The following RBSN variants were observed in gnomAD, a reference collection of about 807,000 sequenced individuals.
RBSN encodes the protein rabenosyn-5.
In RBSN, 34 loss-of-function variants were observed where a neutral mutation model predicts 60.5. That is an observed-to-expected ratio of 0.56 (90% CI 0.43 to 0.75). The LOEUF (loss-of-function observed/expected upper bound fraction) is 0.75. Among genes scored for constraint, RBSN ranks in the 30% least tolerant of loss-of-function variants. The probability of loss-of-function intolerance (pLI) is 0.00; values close to 1 mark genes in which losing one functional copy is unlikely to be tolerated. For missense variants in RBSN, 845 were observed against 986.8 expected, an observed-to-expected ratio of 0.86 and a Z score of 1.92; for synonymous variants, 322 against 366.9, an observed-to-expected ratio of 0.88 and a Z score of 1.40.
intron 13 of RBSN, 51 bp downstream of exon 13, chr3:15,075,555 T>G: frequency 6.6e-7 from 1 of 1,507,848 alleles, no homozygotes; most frequent in Non-Finnish European, 9.2e-7. Flanking sequence ...GCAGCCTCTG[T>G]GCTTGAGAGC....
chr3:15,083,158 G>T (rs1416085229), intron 8 of RBSN, among the ~76,000 whole-genome samples: 1 of 152,142 alleles, frequency 6.6e-6, no homozygotes, highest in East Asian at 1.9e-4. Flanking sequence ...TATCCAGCAG[G>T]GCCACCCCAC....
At chr3:15,090,878 T>G (rs2043494364) in intron 4 of RBSN, among the ~76,000 whole-genome samples, 1 of 152,166 alleles carries the variant, frequency 6.6e-6, no homozygotes, top group African/African-American at 2.4e-5. Context: ...AAGTGTTTTC[T>G]TCTTTATCTT....
rs1421079485 is a variant in RBSN, at chr3:15,081,739, C to T, written c.840+628G>A. On this transcript the variant is annotated intron_variant, in intron 9 of 13. Coordinates refer to ENST00000253699, the MANE Select transcript of RBSN (RefSeq NM_022340.4). ...CTTCCCTGCATCTCTTACTGCCTCC[C>T]CACCCAGTCCACCTGGCTAGTCTTC... is the stretch of plus-strand genomic sequence containing the variant. Among the ~76,000 whole-genome samples the T allele has an allele frequency of 2.0e-5, 3 of 152,242 alleles. No homozygotes were observed. In the East Asian group the frequency reaches 5.8e-4, roughly 29 times the overall value.
At chr3:15,086,471 C>T (rs184990145) in intron 5 of RBSN, among the ~76,000 whole-genome samples, 2 of 152,284 alleles carry the variant, frequency 1.3e-5, no homozygotes, top group African/African-American at 4.8e-5. Flanking sequence ...AGTTTCAATT[C>T]TGCCACACAC....
intron 5 of RBSN, among the ~76,000 whole-genome samples, chr3:15,088,305 ATG>A (rs1425522345): frequency 6.6e-6 from 1 of 152,196 alleles, no homozygotes; most frequent in Non-Finnish European, 1.5e-5. Flanking sequence ...ATAAGAATTC[ATG>A]TGTCCAAAAT....
chr3:15,078,806 A>G lies in RBSN; in HGVS notation c.912-645T>C, dbSNP rs1248190822. On this transcript the variant is annotated intron_variant, in intron 10 of 13. Coordinates refer to ENST00000253699, the MANE Select transcript of RBSN (RefSeq NM_022340.4). ...TATATATATATATATATATATATAT[A>G]TATATATATATATATATACATGGTT... 5.4e-4 allele frequency among the ~76,000 whole-genome samples: 61 copies of G among 113,960 alleles called. 4 individuals are homozygous for G. Among genetic ancestry groups the G allele is most frequent in the African/African-American group, 2.2e-3 (60 of 26,796 alleles). 74.8% of individuals were successfully genotyped at this position (113,960 alleles called of 152,430 possible). A position where few individuals can be genotyped will look rare whatever the true frequency, so the allele number is the denominator to read the frequency against.
chr3:15,090,950 G>A (rs984294199), intron 4 of RBSN, among the ~76,000 whole-genome samples: 5 of 151,740 alleles, frequency 3.3e-5, no homozygotes, highest in African/African-American at 7.3e-5. Context: ...TGGGCCAGGC[G>A]CAGTGGCTCA....
At position 15,082,370 on chromosome 3, in the gene RBSN, G is replaced by A. The variant is rs372130779; in HGVS notation, c.837C>T (p.Tyr279=). Reference sequence around the variant, plus strand: ...AAGACCAGACAGCGCGAATCACCTCGTAGAGCTTCACGATGTCAGGTGTGT... The same window carrying A: ...AAGACCAGACAGCGCGAATCACCTCATAGAGCTTCACGATGTCAGGTGTGT... The part of the protein sequence containing the change: ...KEHTPDIVKL[Y]EKLRLCMEKV... The change falls in exon 9 of 14, where the codon TAC becomes TAT. Residue 279 remains tyrosine (Y), a synonymous_variant. Transcript: ENST00000253699. This position sits in a 1 kb window ranked among gnomAD's most constrained non-coding sequence, Gnocchi z 4.2. 216 of 1,611,986 alleles carry A rather than the reference G, an allele frequency of 1.3e-4. No individual in the cohort carries two copies. The highest frequency in any genetic ancestry group is 1.7e-4 in the Middle Eastern group (1 of 6,054).
chr3:15,089,489 A>C (rs1186810455), intron 5 of RBSN, among the ~76,000 whole-genome samples: 3 of 149,556 alleles, frequency 2.0e-5, no homozygotes, highest in Non-Finnish European at 4.4e-5. Context: ...AAAAAAAAAA[A>C]ACAGATATGT....
chr3:15,074,554 C>G lies in RBSN; in HGVS notation c.1583G>C (p.Arg528Pro), dbSNP rs751754487. 1.9e-6 allele frequency: 3 copies of G among 1,614,126 alleles called. No individual in the cohort carries two copies. Among genetic ancestry groups the G allele is most frequent in the Non-Finnish European group, 2.5e-6 (3 of 1,180,048 alleles). Reference sequence around the variant, plus strand: ...CTGCTCCCTTTCTCGTTCCAACTCCCGTTCACGCAACATCTGCAGCTGTTC... The same window carrying G: ...CTGCTCCCTTTCTCGTTCCAACTCCGGTTCACGCAACATCTGCAGCTGTTC... ...QREQLQMLRERELEREREQFR... is the reference protein window; with the variant it reads ...QREQLQMLREPELEREREQFR... The change falls in exon 14 of 14, where the codon CGG becomes CCG. Residue 528 changes from arginine (R) to proline (P), a missense_variant. Transcript: ENST00000253699. The surrounding 1 kb of genome is among the most constrained non-coding windows in gnomAD (Gnocchi z 6.4).
At chr3:15,089,014 G>A (rs548549611) in intron 5 of RBSN, among the ~76,000 whole-genome samples, 37 of 152,010 alleles carry the variant, frequency 2.4e-4, no homozygotes, top group African/African-American at 8.9e-4. Context: ...ATGGGAAAAA[G>A]GACCACTACT....
chr3:15,091,577 A>G lies in RBSN; in HGVS notation c.149-1038T>C, dbSNP rs1204905485. Reference sequence around the variant, plus strand: ...TATTTAGCCATCGTATGTACCAGGTACAACGCAAAGTGCTTGCAAATACAT... The same window carrying G: ...TATTTAGCCATCGTATGTACCAGGTGCAACGCAAAGTGCTTGCAAATACAT... On this transcript the variant is annotated intron_variant, in intron 4 of 13. Coordinates refer to ENST00000253699, the MANE Select transcript of RBSN (RefSeq NM_022340.4). 5 of 1,102,908 alleles carry G rather than the reference A, an allele frequency of 4.5e-6. No individual in the cohort carries two copies. In the African/African-American group the frequency reaches 6.5e-5, roughly 14 times the overall value. 68.3% of individuals were successfully genotyped at this position (1,102,908 alleles called of 1,614,324 possible).
At chr3:15,095,945 G>A in intron 4 of RBSN, 28 bp downstream of exon 4, 1 of 1,614,170 alleles carries the variant, frequency 6.2e-7, no homozygotes, top group Non-Finnish European at 8.5e-7. Context: ...AACGACAGCA[G>A]GGGATAGGCA....
rs2042948891 is a variant in RBSN, at chr3:15,072,719, T to G, written c.*1063A>C. On this transcript the variant is annotated 3_prime_UTR_variant, in exon 14 of 14. Coordinates refer to ENST00000253699, the MANE Select transcript of RBSN (RefSeq NM_022340.4). ...ATATCAACCAAAAAGTTAACCACTC[T>G]TATTTTTTTTTGAGACGGAGTCTCA... 6.7e-6 allele frequency: 1 copy of G among 148,762 alleles called. No homozygotes were observed. The highest frequency in any genetic ancestry group is 2.1e-4 in the South Asian group (1 of 4,770). 9.2% of individuals were successfully genotyped at this position (148,762 alleles called of 1,614,324 possible).
intron 2 of RBSN, among the ~76,000 whole-genome samples, 168 bp downstream of exon 2, chr3:15,097,951 C>T (rs2043709392): frequency 6.6e-6 from 1 of 152,156 alleles, no homozygotes; most frequent in Non-Finnish European, 1.5e-5. Context: ...TGTTCCCTCC[C>T]CAGCCAGTGG....
Position 15,082,550 on chromosome 3 carries a change from T to C in RBSN, c.657A>G (p.Ser219=). 1 of 1,614,086 alleles carries C rather than the reference T, an allele frequency of 6.2e-7. No individual in the cohort carries two copies. The highest frequency in any genetic ancestry group is 8.5e-7 in the Non-Finnish European group (1 of 1,180,008). The change falls in exon 9 of 14, where the codon TCA becomes TCG. Residue 219 remains serine (S), a synonymous_variant. Transcript: ENST00000253699. This position sits in a 1 kb window ranked among gnomAD's most constrained non-coding sequence, Gnocchi z 4.2. ...SLSTHTSPSQ[S]PNSVHGSRRG... ...GGCGGGAGCCATGGACACTGTTGGG[T>C]GACTGGCTGGGGCTGGTGTGGGTGC...
In RBSN at chr3:15,073,291, G is replaced by A. The variant is rs2042962804; in HGVS notation, c.*491C>T. 6.4e-6 allele frequency: 1 copy of A among 155,506 alleles called. No homozygotes were observed. The highest frequency in any genetic ancestry group is 2.0e-4 in the South Asian group (1 of 5,032). 9.6% of individuals were successfully genotyped at this position (155,506 alleles called of 1,614,324 possible). A position where few individuals can be genotyped will look rare whatever the true frequency, so the allele number is the denominator to read the frequency against. ...TGGAACTCACAGCCTACTAGGGATG[G>A]ACTTCTGTCAGAGCAGAATAGAGCT... On this transcript the variant is annotated 3_prime_UTR_variant, in exon 14 of 14. Transcript: ENST00000253699.
intron 5 of RBSN, among the ~76,000 whole-genome samples, chr3:15,089,483 A>AAAAAAAAAAG: frequency 6.9e-6 from 1 of 143,982 alleles, no homozygotes; most frequent in Non-Finnish European, 1.5e-5. Context: ...AAAAACAAAA[A>AAAAAAAAAAG]AAAAAAACAG....
rs971113490 is a variant in RBSN at position 15,077,966 on chromosome 3, T to G, written c.998+109A>C. 2 of 930,184 alleles carry G rather than the reference T, an allele frequency of 2.2e-6. No homozygotes were observed. The highest frequency in any genetic ancestry group is 3.5e-6 in the Non-Finnish European group (2 of 579,620). 57.6% of individuals were successfully genotyped at this position (930,184 alleles called of 1,614,324 possible). ...CTTCCTTGCCCTCCTCCTCACCCACTGCCCCATCACCAGAAGTCTGAGTGA... is the reference window on the plus strand; with the variant it reads ...CTTCCTTGCCCTCCTCCTCACCCACGGCCCCATCACCAGAAGTCTGAGTGA... On this transcript the variant is annotated intron_variant, in intron 11 of 13. Coordinates refer to ENST00000253699, the MANE Select transcript of RBSN (RefSeq NM_022340.4). The surrounding 1 kb of genome is among the most constrained non-coding windows in gnomAD (Gnocchi z 4.4).
Sources: allele counts gnomAD v4.1 joint callset (sites outside exome capture counted in the v4.1 genomes callset), GRCh38; gene constraint gnomAD v4.1.1; non-coding constraint Gnocchi (gnomAD v3.1); transcripts MANE v1.5; gene names NCBI Gene and HGNC (gene_info 2026-07-23, HGNC 2026-07-21).